ADGRV1: variants seen among roughly 807,000 people sequenced by gnomAD.
The protein encoded by ADGRV1 is G-protein coupled receptor 98.
Under a neutral mutation model 596.2 loss-of-function variants are expected in ADGRV1, and 359 were observed. That is an observed-to-expected ratio of 0.60 (90% CI 0.55 to 0.66). ADGRV1 has a LOEUF of 0.66. Among genes scored for constraint, ADGRV1 ranks in the 30% least tolerant of loss-of-function variants. The pLI, the probability that ADGRV1 is intolerant of heterozygous loss-of-function variation, is 0.00. For synonymous variants in ADGRV1, 2,681 were observed against 2,679.2 expected, an observed-to-expected ratio of 1.00 and a Z score of -0.02; for missense variants, 7,274 against 7,575.6, an observed-to-expected ratio of 0.96 and a Z score of 1.48.
rs368955316 is a variant in ADGRV1 at position 91,055,001 on chromosome 5, G to A, written c.18153-17446G>A. On this transcript the variant is annotated intron_variant, in intron 85 of 89. Coordinates refer to ENST00000405460, the MANE Select transcript of ADGRV1 (RefSeq NM_032119.4). ...TCCCCTTTCTGTGATTTTACACGTA[G>A]GATTTACTGTAGACAGTTTTGAGTT... Among the ~76,000 whole-genome samples the A allele has an allele frequency of 5.3e-5, 8 of 152,190 alleles. No individual in the cohort carries two copies. The South Asian group carries it at 1.5e-3, about 28-fold the overall frequency.
chr5:90,745,314 G>T, intron 51 of ADGRV1, 49 bp downstream of exon 51: 1 of 1,143,358 alleles, frequency 8.7e-7, no homozygotes, highest in Non-Finnish European at 1.2e-6. Flanking sequence ...CTGTAATTTT[G>T]TATGACAGCT....
At chr5:91,081,374 A>C (rs1789359539) in intron 86 of ADGRV1, among the ~76,000 whole-genome samples, 1 of 152,158 alleles carries the variant, frequency 6.6e-6, no homozygotes, top group African/African-American at 2.4e-5. Context: ...AGCTGTCTTG[A>C]GACCAATATT....
chr5:90,875,368 C>T (rs933237507), intron 83 of ADGRV1, among the ~76,000 whole-genome samples: 2 of 152,188 alleles, frequency 1.3e-5, no homozygotes, highest in African/African-American at 4.8e-5. Context: ...AGATCTCAAG[C>T]CAGCCACCAA....
intron 83 of ADGRV1, among the ~76,000 whole-genome samples, chr5:90,936,573 TTTA>T (rs1423027280): frequency 6.6e-6 from 1 of 152,102 alleles, no homozygotes; most frequent in East Asian, 1.9e-4. Flanking sequence ...CTTCTTATTA[TTTA>T]TTTTCTTCTA....
chr5:91,109,274 A>G (rs766250948), intron 87 of ADGRV1, among the ~76,000 whole-genome samples: 1 of 152,212 alleles, frequency 6.6e-6, no homozygotes. Context: ...TTGGATATCA[A>G]GAGTGAGCAG....
intron 21 of ADGRV1, among the ~76,000 whole-genome samples, chr5:90,664,463 T>C (rs1363386472): frequency 6.6e-6 from 1 of 151,274 alleles, no homozygotes; most frequent in East Asian, 2.0e-4. Context: ...ACATTGATTT[T>C]GTATCCTGAG....
intron 52 of ADGRV1, among the ~76,000 whole-genome samples, chr5:90,746,191 A>G (rs950150830): frequency 1.5e-5 from 2 of 129,314 alleles, no homozygotes; most frequent in Non-Finnish European, 3.1e-5. Flanking sequence ...TTACTATCCT[A>G]TTATGCTTTG....
At chr5:90,834,048 A>G (rs968198714) in intron 77 of ADGRV1, among the ~76,000 whole-genome samples, 5 of 152,032 alleles carry the variant, frequency 3.3e-5, no homozygotes, top group African/African-American at 1.2e-4. Flanking sequence ...TTTGTACCCC[A>G]CTTTTTAACT....
intron 84 of ADGRV1, among the ~76,000 whole-genome samples, chr5:90,973,353 G>C (rs1396294934): frequency 6.6e-6 from 1 of 152,180 alleles, no homozygotes; most frequent in Non-Finnish European, 1.5e-5. Flanking sequence ...CTCATTTTAT[G>C]AGGCCAGCAT....
intron 85 of ADGRV1, among the ~76,000 whole-genome samples, chr5:90,987,469 CA>C (rs11442398): frequency 0.047 from 4,438 of 94,920 alleles, 200 homozygotes; most frequent in African/African-American, 0.15. Flanking sequence ...GACTCTGACT[CA>C]AAAAAAAAAA....
chr5:91,055,636 A>G (rs2151325213), intron 85 of ADGRV1, among the ~76,000 whole-genome samples: 1 of 152,334 alleles, frequency 6.6e-6, no homozygotes, highest in African/African-American at 2.4e-5. Context: ...CAGAGTTCAC[A>G]TCGGTAAGCT....
intron 85 of ADGRV1, among the ~76,000 whole-genome samples, chr5:91,045,689 G>GA (rs1785742620): frequency 6.6e-6 from 1 of 152,104 alleles, no homozygotes; most frequent in Non-Finnish European, 1.5e-5. Flanking sequence ...TCAGACAAGA[G>GA]AAAGAAATAA....
intron 83 of ADGRV1, among the ~76,000 whole-genome samples, chr5:90,879,749 C>T (rs1303205382): frequency 6.6e-6 from 1 of 152,010 alleles, no homozygotes; most frequent in Middle Eastern, 3.2e-3. Context: ...GAATTTGTGA[C>T]CAGCCTGGCC....
intron 1 of ADGRV1, among the ~76,000 whole-genome samples, chr5:90,585,743 A>C: frequency 6.6e-6 from 1 of 152,204 alleles, no homozygotes; most frequent in Admixed American, 6.5e-5. Flanking sequence ...GCATGTTAGG[A>C]TTGAAGTTGA....
At chr5:90,822,602 G>A (rs1025070397) in intron 75 of ADGRV1, among the ~76,000 whole-genome samples, 26 of 152,098 alleles carry the variant, frequency 1.7e-4, no homozygotes, top group African/African-American at 7.2e-5. Context: ...GGACTGACTC[G>A]GCGATGCGGG....
intron 85 of ADGRV1, chr5:91,031,152 T>G: frequency 7.2e-7 from 1 of 1,382,322 alleles, no homozygotes. Context: ...AGTAAGGTAT[T>G]AGAAAAATAA....
intron 51 of ADGRV1, 103 bp from the exon 52 acceptor site, chr5:90,745,488 T>G (rs1258123865): frequency 1.0e-5 from 9 of 860,312 alleles, no homozygotes; most frequent in Non-Finnish European, 5.3e-6. Flanking sequence ...AATGTTGTGA[T>G]TCTTCCAAAC....
intron 74 of ADGRV1, 126 bp from the exon 75 acceptor site, chr5:90,815,493 T>C: frequency 1.8e-6 from 1 of 551,816 alleles, no homozygotes; most frequent in East Asian, 2.9e-5. Context: ...TTTTAACAAC[T>C]GTAGCTCTCC....
chr5:90,568,217 T>C (rs764273965), intron 1 of ADGRV1, among the ~76,000 whole-genome samples: 9 of 152,130 alleles, frequency 5.9e-5, no homozygotes, highest in Non-Finnish European at 1.0e-4. Flanking sequence ...GGTTCTTTAT[T>C]TGAGATCTTT....
Sources: gnomAD v4.1 joint callset for allele counts (sites outside exome capture counted in the v4.1 genomes callset) on GRCh38, gnomAD v4.1.1 for gene constraint, MANE v1.5 for transcripts, NCBI Gene and HGNC (gene_info 2026-07-23, HGNC 2026-07-21) for gene names.